The following DNAH9 variants were observed in gnomAD, a reference collection of about 807,000 sequenced individuals.
The protein encoded by DNAH9 is DNAH9 variant protein.
In DNAH9, 345 loss-of-function variants were observed where a neutral mutation model predicts 471.6. That is an observed-to-expected ratio of 0.73 (90% CI 0.67 to 0.80). The LOEUF (loss-of-function observed/expected upper bound fraction) is 0.80. DNAH9 is among the 30% of genes least tolerant of loss of function. The pLI, the probability that DNAH9 is intolerant of heterozygous loss-of-function variation, is 0.00. For missense variants in DNAH9, 5,407 were observed against 5,609.2 expected (o/e 0.96, Z 1.15); for synonymous variants, 2,093 against 2,123.6 (o/e 0.99, Z 0.40).
At chr17:11,921,848 C>T (rs1197419636) in intron 61 of DNAH9, among the ~76,000 whole-genome samples, 1 of 152,126 alleles carries the variant, frequency 6.6e-6, no homozygotes, top group South Asian at 2.1e-4. Context: ...AAACTTTGCC[C>T]GTGATGATCC....
rs1389217941 is a variant in DNAH9 at position 11,843,890 on chromosome 17, T to TATATATATATATACAC, written c.9507+8993_9507+8994insTATATATATATACACA. Among the ~76,000 whole-genome samples the TATATATATATATACAC allele has an allele frequency of 4.2e-4, 54 of 127,198 alleles. 1 individual carries two copies. Among genetic ancestry groups the TATATATATATATACAC allele is most frequent in the African/African-American group, 1.6e-3 (53 of 32,328 alleles). The allele number at this position is 127,198 out of a possible 152,430, so 83.4% of individuals were successfully genotyped here. On this transcript the variant is annotated intron_variant, in intron 49 of 68. Transcript: ENST00000262442. ...ATATATATATATATATATATATATA[T>TATATATATATATACAC]ACACATAGAGAGAGAGAGAATAATA... is the stretch of plus-strand genomic sequence containing the variant.
In DNAH9 at chr17:11,704,327, C is replaced by A; in HGVS notation, c.5276C>A (p.Thr1759Asn). ...YYKKQVAQLK[T>N]LITMLIGQLS... The stretch of plus-strand genomic sequence containing the variant: ...AAGAAGCAAGTGGCCCAGCTCAAAA[C>A]CCTTATCACCATGCTGATTGGCCAG... Residue 1759 changes from threonine to asparagine, a missense_variant, in exon 25 of 69, where the codon ACC becomes AAC. Thr to Asn is a moderately conservative substitution (Grantham distance 65). Transcript: ENST00000262442. 6.2e-7 allele frequency: 1 copy of A among 1,614,166 alleles called. No homozygotes were observed.
chr17:11,875,712 T>C (rs376008652), intron 53 of DNAH9: 1 of 153,920 alleles, frequency 6.5e-6, no homozygotes, highest in East Asian at 1.9e-4. Context: ...CCATATGGCT[T>C]CGTACTTACC....
rs181815088 is a variant in DNAH9, at chr17:11,886,671, C to A, written c.10972-154C>A. On this transcript the variant is annotated intron_variant, in intron 56 of 68. Transcript: ENST00000262442. ...CTCATCCAAGTTCTAGGAAGGAATA[C>A]CATAGTAGCTTTTCAACTTTCTACC... Among the ~76,000 whole-genome samples the A allele has an allele frequency of 2.2e-3, 338 of 152,148 alleles. 4 individuals carry two copies. Among genetic ancestry groups the A allele is most frequent in the African/African-American group, 8.0e-3 (331 of 41,528 alleles).
chr17:11,925,081 T>C (rs1488474685), intron 62 of DNAH9: 16 of 419,908 alleles, frequency 3.8e-5, no homozygotes. Flanking sequence ...CCTAGAACAT[T>C]TTGAAATCTT....
chr17:11,751,975 G>A (rs1651168691), intron 32 of DNAH9, among the ~76,000 whole-genome samples: 1 of 152,096 alleles, frequency 6.6e-6, no homozygotes, highest in African/African-American at 2.4e-5. Context: ...AGAAGTGCAG[G>A]AGGAGAAAAT....
chr17:11,762,010 T>C (rs1371976808), intron 35 of DNAH9, among the ~76,000 whole-genome samples: 1 of 151,934 alleles, frequency 6.6e-6, no homozygotes, highest in Non-Finnish European at 1.5e-5. Flanking sequence ...TATCCAGCAC[T>C]GAGCCCAAGA....
intron 41 of DNAH9, 103 bp from the exon 42 acceptor site, chr17:11,793,400 A>T: frequency 9.5e-7 from 1 of 1,048,370 alleles, no homozygotes; most frequent in Non-Finnish European, 1.4e-6. Context: ...GACAAGCCCT[A>T]GACATCATCC....
chr17:11,662,072 G>T (rs1301250396), intron 14 of DNAH9, among the ~76,000 whole-genome samples: 1 of 152,072 alleles, frequency 6.6e-6, no homozygotes, highest in South Asian at 2.1e-4. Flanking sequence ...TTAAAGGACA[G>T]TTTCATTTGG....
intron 6 of DNAH9, among the ~76,000 whole-genome samples, chr17:11,629,087 T>TA (rs1491457183): frequency 1.4e-5 from 1 of 71,508 alleles, no homozygotes; most frequent in Admixed American, 1.2e-4. Context: ...ATTTTAACTC[T>TA]TTTTTTTTTT....
At chr17:11,828,243 G>T (rs1196124602) in intron 48 of DNAH9, among the ~76,000 whole-genome samples, 1 of 152,028 alleles carries the variant, frequency 6.6e-6, no homozygotes, top group Non-Finnish European at 1.5e-5. Context: ...GGAGTCCGAG[G>T]CGGGTGGATC....
chr17:11,733,409 G>A lies in DNAH9; in HGVS notation c.5815-5471G>A, dbSNP rs186868402. On this transcript the variant is annotated intron_variant, in intron 28 of 68. Coordinates refer to ENST00000262442, the MANE Select transcript of DNAH9 (RefSeq NM_001372.4). Reference sequence around the variant, plus strand: ...GCCTGAGTGGGAGGATACAGGGACAGAACCCTCTGTGATCAGCAGCTTCCA... The same window carrying A: ...GCCTGAGTGGGAGGATACAGGGACAAAACCCTCTGTGATCAGCAGCTTCCA... 7.2e-4 allele frequency among the ~76,000 whole-genome samples: 110 copies of A among 152,328 alleles called. 2 individuals carry two copies. Among genetic ancestry groups the A allele is most frequent in the Admixed American group, 7.1e-3 (109 of 15,306 alleles).
intron 15 of DNAH9, among the ~76,000 whole-genome samples, chr17:11,667,897 C>T (rs2073900997): frequency 1.3e-5 from 2 of 152,190 alleles, no homozygotes; most frequent in Admixed American, 1.3e-4. Flanking sequence ...CTGGTCAAAT[C>T]CCAGTTATTA....
chr17:11,656,809 A>G lies in DNAH9; in HGVS notation c.2595+3807A>G, dbSNP rs568073496. Among the ~76,000 whole-genome samples the G allele has an allele frequency of 7.9e-5, 12 of 152,156 alleles. No homozygotes were observed. In the East Asian group the frequency reaches 2.1e-3, roughly 27 times the overall value. On this transcript the variant is annotated intron_variant, in intron 14 of 68. Transcript: ENST00000262442. ...TCAGCTTTTTGTCAATATAGAGTAGATTTGTCTTTTCCTATAAATGGAATT... is the reference window on the plus strand; with the variant it reads ...TCAGCTTTTTGTCAATATAGAGTAGGTTTGTCTTTTCCTATAAATGGAATT...
chr17:11,817,797 A>G (rs1432403734), intron 45 of DNAH9, among the ~76,000 whole-genome samples: 1 of 152,238 alleles, frequency 6.6e-6, no homozygotes. Flanking sequence ...TTTTATATGC[A>G]TGTCATTAAC....
At chr17:11,749,547 A>G (rs1029806807) in intron 32 of DNAH9, among the ~76,000 whole-genome samples, 1 of 151,642 alleles carries the variant, frequency 6.6e-6, no homozygotes, top group Non-Finnish European at 1.5e-5. Context: ...TGGGATTTCT[A>G]TTAGTTTATA....
chr17:11,926,599 A>G (rs1974338222), intron 62 of DNAH9, among the ~76,000 whole-genome samples: 1 of 152,066 alleles, frequency 6.6e-6, no homozygotes, highest in Non-Finnish European at 1.5e-5. Context: ...GTTCCTTTTT[A>G]TGGCTGCATA....
chr17:11,799,354 AATTTT>A lies in DNAH9; in HGVS notation c.8420+1580_8420+1584del, dbSNP rs553238251. On this transcript the variant is annotated intron_variant, in intron 43 of 68. Transcript: ENST00000262442. ...CATGTCTTTACTTTCCCTTTTTAAA[AATTTT>A]ATTTTATTTTATTTTATTGCTTTTT... Among the ~76,000 whole-genome samples, 589 of 151,964 alleles carry A rather than the reference AATTTT, an allele frequency of 3.9e-3. 10 individuals are homozygous for A. Among genetic ancestry groups the A allele is most frequent in the African/African-American group, 0.013 (558 of 41,442 alleles).
intron 1 of DNAH9, among the ~76,000 whole-genome samples, chr17:11,602,670 C>T (rs1043564924): frequency 6.6e-6 from 1 of 152,156 alleles, no homozygotes; most frequent in Non-Finnish European, 1.5e-5. Flanking sequence ...TGGTTATTTC[C>T]AAAGACATGT....
Sources: allele counts gnomAD v4.1 joint callset (sites outside exome capture counted in the v4.1 genomes callset), GRCh38; gene constraint gnomAD v4.1.1; transcripts MANE v1.5; gene names NCBI Gene and HGNC (gene_info 2026-07-23, HGNC 2026-07-21).